The following PRRT2 variants were observed in gnomAD, a reference collection of about 807,000 sequenced individuals.
PRRT2 encodes proline-rich transmembrane protein 2.
A neutral mutation model predicts 24.7 loss-of-function variants in PRRT2; 9 were observed. The ratio of observed to expected loss-of-function variants is 0.36; its 90% CI spans 0.22 to 0.64. PRRT2 has a LOEUF of 0.64. Among genes scored for constraint, PRRT2 ranks in the 30% least tolerant of loss-of-function variants. The pLI, the probability that PRRT2 is intolerant of heterozygous loss-of-function variation, is 0.65. For synonymous variants in PRRT2, 195 were observed against 175.5 expected (o/e 1.11, Z -0.88); for missense variants, 460 against 435.0 (o/e 1.06, Z -0.51).
Position 29,815,864 on chromosome 16 carries a change from A to G in PRRT2, c.*1226A>G. 1 of 151,358 alleles carries G rather than the reference A, an allele frequency of 6.6e-6. No homozygotes were observed. Among genetic ancestry groups the G allele is most frequent in the Admixed American group, 6.6e-5 (1 of 15,228 alleles). The allele number at this position is 151,358 out of a possible 1,614,324, so 9.4% of individuals were successfully genotyped here. A position where few individuals can be genotyped will look rare whatever the true frequency, so the allele number is the denominator to read the frequency against. ...GCTGCATGAGTCTGAAACACCAATA[A>G]ACGGAGACTGCATGAGACTCGCCTC... is the stretch of plus-strand genomic sequence containing the variant. On this transcript the variant is annotated 3_prime_UTR_variant, in exon 4 of 4. Coordinates refer to ENST00000358758, the MANE Select transcript of PRRT2 (RefSeq NM_145239.3).
Position 29,814,693 on chromosome 16 carries a change from C to A in PRRT2, c.*55C>A, listed in dbSNP as rs141436390. On this transcript the variant is annotated 3_prime_UTR_variant, in exon 4 of 4. Coordinates refer to ENST00000358758, the MANE Select transcript of PRRT2 (RefSeq NM_145239.3). The surrounding 1 kb of genome is among the most constrained non-coding windows in gnomAD (Gnocchi z 4.1). ...CTTCCTGTTGGGAGCTGCCTTGGGC[C>A]CATCCCTCCCCTGGGGGGAGCCCAA... 0.025 allele frequency: 38,907 copies of A among 1,560,868 alleles called. 619 individuals carry two copies. Among genetic ancestry groups the A allele is most frequent in the Middle Eastern group, 0.042 (241 of 5,788 alleles).
In PRRT2 at chr16:29,814,541, C is replaced by T; in HGVS notation, c.1012+76C>T. On this transcript the variant is annotated intron_variant, in intron 3 of 3. Coordinates refer to ENST00000358758, the MANE Select transcript of PRRT2 (RefSeq NM_145239.3). This position sits in a 1 kb window ranked among gnomAD's most constrained non-coding sequence, Gnocchi z 4.1. ...GCAGCTTTACTAACCCCTGCCCCTG[C>T]TCTCTCCTGTCTGTCCTCCTTACCT... The T allele has an allele frequency of 1.9e-6, 3 of 1,609,738 alleles. No individual in the cohort carries two copies. Among genetic ancestry groups the T allele is most frequent in the South Asian group, 1.1e-5 (1 of 90,536 alleles).
At position 29,814,880 on chromosome 16, in the gene PRRT2, T is replaced by G; in HGVS notation, c.*242T>G. 1 of 509,504 alleles carries G rather than the reference T, an allele frequency of 2.0e-6. No homozygotes were observed. The highest frequency in any genetic ancestry group is 3.4e-6 in the Non-Finnish European group (1 of 290,964). The allele number at this position is 509,504 out of a possible 1,614,324, so 31.6% of individuals were successfully genotyped here. A position where few individuals can be genotyped will look rare whatever the true frequency, so the allele number is the denominator to read the frequency against. On this transcript the variant is annotated 3_prime_UTR_variant, in exon 4 of 4. Transcript: ENST00000358758. This position sits in a 1 kb window ranked among gnomAD's most constrained non-coding sequence, Gnocchi z 4.1. ...TCCCTGCACTAATGCCTGCATCCCC[T>G]CCGGCCTCTTGGCCCCCTATCCCTG...
chr16:29,813,308 C>G lies in PRRT2; in HGVS notation c.254C>G (p.Thr85Arg). The change falls in exon 2 of 4, where the codon ACA (threonine) becomes AGA (arginine). Residue 85 changes from threonine to arginine, a missense_variant. Coordinates refer to ENST00000358758, the MANE Select transcript of PRRT2 (RefSeq NM_145239.3). ...PAGASETAQA[T>R]DLSLSPGGES... ...GGGGCCTCAGAAACAGCCCAGGCCA[C>G]AGACCTCAGCTTAAGCCCAGGAGGG... The G allele has an allele frequency of 1.2e-6, 2 of 1,614,102 alleles. No homozygotes were observed. Among genetic ancestry groups the G allele is most frequent in the South Asian group, 2.2e-5 (2 of 91,088 alleles).
At chr16:29,812,625 G>A (rs1046277238) in intron 1 of PRRT2, among the ~76,000 whole-genome samples, 3 of 152,120 alleles carry the variant, frequency 2.0e-5, no homozygotes, top group African/African-American at 4.8e-5. Flanking sequence ...CAGAGGGAGT[G>A]GAATGCGAAT....
Position 29,813,188 on chromosome 16 carries a change from C to T in PRRT2, c.134C>T (p.Pro45Leu). ...GTCCTAGCAGGGGTACCAGACCAGCCAGAGGCCCCGCAGCCAGGTCCAAAC... is the reference window on the plus strand; with the variant it reads ...GTCCTAGCAGGGGTACCAGACCAGCTAGAGGCCCCGCAGCCAGGTCCAAAC... Reference protein sequence around the residue: ...PQVLAGVPDQPEAPQPGPNTT... With the variant: ...PQVLAGVPDQLEAPQPGPNTT... The change falls in exon 2 of 4, where the codon CCA becomes CTA. Residue 45 changes from proline to leucine, a missense_variant. Pro to Leu is a moderately conservative substitution (Grantham distance 98). Coordinates refer to ENST00000358758, the MANE Select transcript of PRRT2 (RefSeq NM_145239.3). The T allele has an allele frequency of 6.2e-7, 1 of 1,613,944 alleles. No homozygotes were observed. The highest frequency in any genetic ancestry group is 8.5e-7 in the Non-Finnish European group (1 of 1,179,982).
chr16:29,812,865 A>G, intron 1 of PRRT2, 125 bp from the exon 2 acceptor site: 1 of 592,114 alleles, frequency 1.7e-6, no homozygotes, highest in Non-Finnish European at 2.9e-6. Flanking sequence ...GGAAACCCCA[A>G]CTTTTCTTCC....
At position 29,814,734 on chromosome 16, in the gene PRRT2, C is replaced by T; in HGVS notation, c.*96C>T. Reference sequence around the variant, plus strand: ...GGGAGCCCAACTGATGGCCCTGGCCCCCACCCCTAAGGACCAAGGGAGCCT... The same window carrying T: ...GGGAGCCCAACTGATGGCCCTGGCCTCCACCCCTAAGGACCAAGGGAGCCT... On this transcript the variant is annotated 3_prime_UTR_variant, in exon 4 of 4. Coordinates refer to ENST00000358758, the MANE Select transcript of PRRT2 (RefSeq NM_145239.3). The surrounding 1 kb of genome is among the most constrained non-coding windows in gnomAD (Gnocchi z 4.1). 1 of 1,385,886 alleles carries T rather than the reference C, an allele frequency of 7.2e-7. No individual in the cohort carries two copies. The highest frequency in any genetic ancestry group is 1.9e-4 in the Middle Eastern group (1 of 5,324). The allele number at this position is 1,385,886 out of a possible 1,614,324, so 85.8% of individuals were successfully genotyped here.
In PRRT2 at chr16:29,813,011, T is replaced by G; in HGVS notation, c.-44T>G. On this transcript the variant is annotated 5_prime_UTR_variant, in exon 2 of 4. Coordinates refer to ENST00000358758, the MANE Select transcript of PRRT2 (RefSeq NM_145239.3). ...CCAGGGTTTGCCGCTGTCTCTGCTATTCCATCCTCCCCATAGGGGCTCTCT... is the reference window on the plus strand; with the variant it reads ...CCAGGGTTTGCCGCTGTCTCTGCTAGTCCATCCTCCCCATAGGGGCTCTCT... 6.5e-7 allele frequency: 1 copy of G among 1,545,538 alleles called. No individual in the cohort carries two copies. The highest frequency in any genetic ancestry group is 8.7e-7 in the Non-Finnish European group (1 of 1,148,822).
At position 29,813,143 on chromosome 16, in the gene PRRT2, C is replaced by T. The variant is rs1277397064; in HGVS notation, c.89C>T (p.Ala30Val). ...GGCGAAGGGCCTGGCCATTCTGAAG[C>T]TGAAACTGGCCCTCCCCAGGTCCTA... Reference protein sequence around the residue: ...VPGEGPGHSEAETGPPQVLAG... With the variant: ...VPGEGPGHSEVETGPPQVLAG... Residue 30 changes from alanine (A) to valine (V), a missense_variant, in exon 2 of 4, where the codon GCT (alanine) becomes GTT (valine). Physicochemically the swap from Ala to Val is moderately conservative, Grantham distance 64. This residue lies in a region of PRRT2 where 378 missense variants were observed against 324.6 expected (regional missense o/e 1.16). Coordinates refer to ENST00000358758, the MANE Select transcript of PRRT2 (RefSeq NM_145239.3). 3 of 1,614,048 alleles carry T rather than the reference C, an allele frequency of 1.9e-6. No individual in the cohort carries two copies. Among genetic ancestry groups the T allele is most frequent in the Middle Eastern group, 1.7e-4 (1 of 6,058 alleles).
Position 29,813,508 on chromosome 16 carries a change from C to T in PRRT2, c.454C>T (p.Pro152Ser). Residue 152 changes from proline (P) to serine (S), a missense_variant, in exon 2 of 4, where the codon CCC (proline) becomes TCC (serine). Pro to Ser is a moderately conservative substitution (Grantham distance 74, BLOSUM62 -1). This residue lies in a region of PRRT2 where 378 missense variants were observed against 324.6 expected (regional missense o/e 1.16). Coordinates refer to ENST00000358758, the MANE Select transcript of PRRT2 (RefSeq NM_145239.3). Reference protein sequence around the residue: ...PDPRPDSQPTPKPALQPELPT... With the variant: ...PDPRPDSQPTSKPALQPELPT... The stretch of plus-strand genomic sequence containing the variant: ...CCCCCGGCCAGATTCCCAGCCTACC[C>T]CCAAGCCAGCCCTTCAACCAGAGCT... 1 of 1,613,836 alleles carries T rather than the reference C, an allele frequency of 6.2e-7. No homozygotes were observed. The highest frequency in any genetic ancestry group is 8.5e-7 in the Non-Finnish European group (1 of 1,179,798).
At position 29,813,462 on chromosome 16, in the gene PRRT2, A is replaced by G; in HGVS notation, c.408A>G (p.Pro136=). ...LESAAPPEPA[P]EPAPQPDPRP... ...CTGCAGCCCCACCTGAACCAGCCCC[A>G]GAGCCTGCTCCCCAACCAGACCCCC... Residue 136 remains proline, a synonymous_variant, in exon 2 of 4, where the codon CCA becomes CCG. Transcript: ENST00000358758. The G allele has an allele frequency of 2.5e-6, 4 of 1,613,800 alleles. No individual in the cohort carries two copies. The highest frequency in any genetic ancestry group is 3.4e-6 in the Non-Finnish European group (4 of 1,179,862).
In PRRT2 at chr16:29,814,882, C is replaced by T. The variant is rs1004544963; in HGVS notation, c.*244C>T. On this transcript the variant is annotated 3_prime_UTR_variant, in exon 4 of 4. Transcript: ENST00000358758. The surrounding 1 kb of genome is among the most constrained non-coding windows in gnomAD (Gnocchi z 4.1). ...CCTGCACTAATGCCTGCATCCCCTC[C>T]GGCCTCTTGGCCCCCTATCCCTGCA... is the stretch of plus-strand genomic sequence containing the variant. 8 of 511,458 alleles carry T rather than the reference C, an allele frequency of 1.6e-5. No homozygotes were observed. The highest frequency in any genetic ancestry group is 1.1e-4 in the Admixed American group (3 of 26,648). 31.7% of individuals were successfully genotyped at this position (511,458 alleles called of 1,614,324 possible).
rs1384864356 is a variant in PRRT2, at chr16:29,815,713, G to GT, written c.*1082dup. The GT allele has an allele frequency of 7.7e-6, 1 of 129,980 alleles. No homozygotes were observed. Among genetic ancestry groups the GT allele is most frequent in the African/African-American group, 2.9e-5 (1 of 34,074 alleles). The allele number at this position is 129,980 out of a possible 1,614,324, so 8.1% of individuals were successfully genotyped here. Reference sequence around the variant, plus strand: ...ACAACGCGGTTCGGATTTGGCGGGGGTTTTTTTCCTTAAAAAAAAAAAAAA... The same window carrying GT: ...ACAACGCGGTTCGGATTTGGCGGGGGTTTTTTTTCCTTAAAAAAAAAAAAAA... On this transcript the variant is annotated 3_prime_UTR_variant, in exon 4 of 4. Coordinates refer to ENST00000358758, the MANE Select transcript of PRRT2 (RefSeq NM_145239.3).
rs1900200120 is a variant in PRRT2 at position 29,815,520 on chromosome 16, G to C, written c.*882G>C. ...CCGCGAGTTTCTTTCTTGAAGGTGT[G>C]GGGGCTAGATTCATTCACGTGCTTC... On this transcript the variant is annotated 3_prime_UTR_variant, in exon 4 of 4. Transcript: ENST00000358758. The C allele has an allele frequency of 6.6e-6, 1 of 152,486 alleles. No individual in the cohort carries two copies. Among genetic ancestry groups the C allele is most frequent in the Non-Finnish European group, 1.5e-5 (1 of 68,012 alleles). The allele number at this position is 152,486 out of a possible 1,614,324, so 9.4% of individuals were successfully genotyped here.
rs761702515 is a variant in PRRT2, at chr16:29,814,520, C to T, written c.1012+55C>T. On this transcript the variant is annotated intron_variant, in intron 3 of 3. Transcript: ENST00000358758. The surrounding 1 kb of genome is among the most constrained non-coding windows in gnomAD (Gnocchi z 4.1). ...GGAATGGAAGGGTTGGCAAGGGCAGCTTTACTAACCCCTGCCCCTGCTCTC... is the reference window on the plus strand; with the variant it reads ...GGAATGGAAGGGTTGGCAAGGGCAGTTTTACTAACCCCTGCCCCTGCTCTC... The T allele has an allele frequency of 3.1e-6, 5 of 1,607,156 alleles. No individual in the cohort carries two copies. In the African/African-American group the frequency reaches 6.7e-5, roughly 22 times the overall value.
intron 2 of PRRT2, 67 bp downstream of exon 2, chr16:29,814,000 A>T: frequency 6.6e-7 from 1 of 1,520,344 alleles, no homozygotes; most frequent in Non-Finnish European, 8.8e-7. Context: ...GCTGCAATAG[A>T]GCCTCTGGAG....
rs1273597206 is a variant in PRRT2 at position 29,814,165 on chromosome 16, C to T, written c.880-168C>T. 6 of 1,492,654 alleles carry T rather than the reference C, an allele frequency of 4.0e-6. No homozygotes were observed. The highest frequency in any genetic ancestry group is 2.5e-4 in the Middle Eastern group (1 of 3,984). The allele number at this position is 1,492,654 out of a possible 1,614,324, so 92.5% of individuals were successfully genotyped here. On this transcript the variant is annotated intron_variant, in intron 2 of 3. Coordinates refer to ENST00000358758, the MANE Select transcript of PRRT2 (RefSeq NM_145239.3). The surrounding 1 kb of genome is among the most constrained non-coding windows in gnomAD (Gnocchi z 4.1). ...TATGGAAACACGTGTCACACAGCCT[C>T]GCTGACCTGTGCCCTCCTCCCCCTG...
rs1341573138 is a variant in PRRT2 at position 29,814,528 on chromosome 16, A to AC, written c.1012+67dup. On this transcript the variant is annotated intron_variant, in intron 3 of 3. Coordinates refer to ENST00000358758, the MANE Select transcript of PRRT2 (RefSeq NM_145239.3). This position sits in a 1 kb window ranked among gnomAD's most constrained non-coding sequence, Gnocchi z 4.1. ...AGGGTTGGCAAGGGCAGCTTTACTA[A>AC]CCCCTGCCCCTGCTCTCTCCTGTCT... The AC allele has an allele frequency of 6.2e-7, 1 of 1,601,212 alleles. No homozygotes were observed. The highest frequency in any genetic ancestry group is 2.3e-5 in the East Asian group (1 of 44,140).
Sources: allele counts gnomAD v4.1 joint callset (sites outside exome capture counted in the v4.1 genomes callset), GRCh38; gene constraint gnomAD v4.1.1; regional missense constraint gnomAD v4.1.1; non-coding constraint Gnocchi (gnomAD v3.1); transcripts MANE v1.5; gene names NCBI Gene and HGNC (gene_info 2026-07-23, HGNC 2026-07-21).